The following ABCA13 variants were observed in gnomAD, a reference collection of about 807,000 sequenced individuals.
The protein encoded by ABCA13 is ATP-binding cassette sub-family A member 13.
A neutral mutation model predicts 478.7 loss-of-function variants in ABCA13; 476 were observed. The observed-to-expected ratio is 0.99, with a 90% CI of 0.92 to 1.07. ABCA13 has a LOEUF of 1.07. Among genes scored for constraint, ABCA13 ranks in the 50% least tolerant of loss-of-function variants. The pLI is 0.00. For missense variants in ABCA13, 6,060 were observed against 5,910.6 expected (o/e 1.03, Z -0.83); for synonymous variants, 2,252 against 2,158.9 (o/e 1.04, Z -1.20).
chr7:48,242,959 G>A (rs956179115), intron 10 of ABCA13: 7 of 152,168 alleles, frequency 4.6e-5, no homozygotes, highest in African/African-American at 1.7e-4. Flanking sequence ...AGTTTTTCGT[G>A]TCATTACAGA....
At chr7:48,313,311 C>T in intron 25 of ABCA13, 80 bp downstream of exon 25, 1 of 1,405,326 alleles carries the variant, frequency 7.1e-7, no homozygotes, top group Non-Finnish European at 9.6e-7. Context: ...CCTTTATCTT[C>T]CCACATCTAA....
At chr7:48,538,758 T>G (rs200404807) in intron 55 of ABCA13, among the ~76,000 whole-genome samples, 1 of 152,156 alleles carries the variant, frequency 6.6e-6, no homozygotes, top group East Asian at 1.9e-4. Flanking sequence ...TGATTTTTTT[T>G]GAATTCATTA....
intron 54 of ABCA13, 93 bp downstream of exon 54, chr7:48,524,533 T>A: frequency 9.9e-6 from 12 of 1,217,390 alleles, no homozygotes; most frequent in Non-Finnish European, 1.3e-5. Context: ...ATATTTGAAA[T>A]CAGAGCCAAA....
intron 43 of ABCA13, 36 bp from the exon 44 acceptor site, chr7:48,466,920 C>A: frequency 6.2e-7 from 1 of 1,605,266 alleles, no homozygotes. Context: ...CACTAATAAT[C>A]CCACTTTGTT....
At chr7:48,469,984 A>G (rs1378336245) in intron 44 of ABCA13, among the ~76,000 whole-genome samples, 1 of 151,714 alleles carries the variant, frequency 6.6e-6, no homozygotes, top group African/African-American at 2.4e-5. Flanking sequence ...AGAGAGAACT[A>G]TTTCACCCAG....
chr7:48,224,476 G>A (rs1252657909), intron 5 of ABCA13, among the ~76,000 whole-genome samples: 2 of 152,132 alleles, frequency 1.3e-5, no homozygotes, highest in East Asian at 3.9e-4. Context: ...GTCCTTGATG[G>A]CTGCATTGAC....
intron 20 of ABCA13, among the ~76,000 whole-genome samples, 196 bp downstream of exon 20, chr7:48,288,274 G>T (rs949568906): frequency 2.0e-5 from 3 of 152,166 alleles, no homozygotes; most frequent in Admixed American, 2.0e-4. Context: ...GGTGTGCTGG[G>T]TTGAGTGGCA....
intron 23 of ABCA13, 72 bp from the exon 24 acceptor site, chr7:48,309,875 G>A: frequency 6.4e-7 from 1 of 1,552,884 alleles, no homozygotes; most frequent in Non-Finnish European, 8.8e-7. Context: ...TGCCGATGAA[G>A]CTCCGGTCTG....
intron 29 of ABCA13, among the ~76,000 whole-genome samples, chr7:48,342,296 C>T (rs1225794429): frequency 6.6e-6 from 1 of 152,082 alleles, no homozygotes; most frequent in Non-Finnish European, 1.5e-5. Context: ...TCTTGAGCAT[C>T]CTCACTGTCT....
intron 1 of ABCA13, among the ~76,000 whole-genome samples, chr7:48,177,255 T>C (rs1217306470): frequency 6.6e-6 from 1 of 152,240 alleles, no homozygotes; most frequent in Admixed American, 6.5e-5. Flanking sequence ...AAGGATTTAC[T>C]AAGGGAATCA....
chr7:48,360,252 T>C (rs1015312419), intron 31 of ABCA13, among the ~76,000 whole-genome samples: 3 of 143,504 alleles, frequency 2.1e-5, no homozygotes, highest in Non-Finnish European at 4.6e-5. Context: ...AGTGTTCTCA[T>C]TGTTCAGTTC....
intron 31 of ABCA13, 115 bp downstream of exon 31, chr7:48,352,602 TCA>T (rs1584971853): frequency 1.6e-6 from 2 of 1,232,972 alleles, no homozygotes; most frequent in East Asian, 5.1e-5. Context: ...TTAAAAAAGT[TCA>T]CCCCCCACTT....
chr7:48,356,988 T>G (rs896607097), intron 31 of ABCA13, among the ~76,000 whole-genome samples: 3 of 151,948 alleles, frequency 2.0e-5, no homozygotes, highest in Non-Finnish European at 2.9e-5. Flanking sequence ...CCTCTATTGC[T>G]TTTTGGCTGC....
At chr7:48,189,703 T>C (rs1013179294) in intron 1 of ABCA13, among the ~76,000 whole-genome samples, 1 of 152,218 alleles carries the variant, frequency 6.6e-6, no homozygotes, top group Non-Finnish European at 1.5e-5. Flanking sequence ...CTATTTTAAT[T>C]TGGCTTTGGC....
chr7:48,279,019 T>A lies in ABCA13; in HGVS notation c.7825T>A (p.Ser2609Thr), dbSNP rs1156699528. 6.2e-7 allele frequency: 1 copy of A among 1,613,226 alleles called. No homozygotes were observed. The highest frequency in any genetic ancestry group is 1.3e-5 in the African/African-American group (1 of 74,932). The change falls in exon 18 of 62, where the codon TCA becomes ACA. Residue 2609 changes from serine (S) to threonine (T), a missense_variant. Physicochemically the swap from Ser to Thr is moderately conservative, Grantham distance 58. Coordinates refer to ENST00000435803, the MANE Select transcript of ABCA13 (RefSeq NM_152701.5). ...FEMIGVEPYI[S>T]SNSDIFSMSP... ...AATGATTGGGGTAGAACCTTATATA[T>A]CATCAAACTCTGATATTTTCAGTAT...
intron 58 of ABCA13, 107 bp downstream of exon 58, chr7:48,594,920 C>T: frequency 2.3e-6 from 2 of 875,370 alleles, no homozygotes; most frequent in Non-Finnish European, 3.6e-6. Flanking sequence ...ATTTCTTAAT[C>T]TTTACAACAC....
At chr7:48,520,397 C>A in intron 53 of ABCA13, 103 bp downstream of exon 53, 1 of 1,312,544 alleles carries the variant, frequency 7.6e-7, no homozygotes, top group Non-Finnish European at 1.0e-6. Context: ...TATATCTGAT[C>A]AGCATTATAC....
chr7:48,478,739 T>C (rs1173309355), intron 45 of ABCA13, among the ~76,000 whole-genome samples: 2 of 152,120 alleles, frequency 1.3e-5, no homozygotes, highest in Non-Finnish European at 2.9e-5. Context: ...ACATTCTCCT[T>C]GGTGAGTCTA....
intron 15 of ABCA13, among the ~76,000 whole-genome samples, chr7:48,261,101 C>T (rs1016882441): frequency 1.3e-5 from 2 of 151,838 alleles, no homozygotes; most frequent in Non-Finnish European, 2.9e-5. Flanking sequence ...ATCCAGCATG[C>T]CAATATATTG....
Sources: gnomAD v4.1 joint callset for allele counts (sites outside exome capture counted in the v4.1 genomes callset) on GRCh38, gnomAD v4.1.1 for gene constraint, MANE v1.5 for transcripts, NCBI Gene and HGNC (gene_info 2026-07-23, HGNC 2026-07-21) for gene names.